Variants in GSTCD observed in about 807,000 individuals in gnomAD.
GSTCD encodes the protein glutathione S-transferase C-terminal domain-containing protein.
Under a neutral mutation model 68.3 loss-of-function variants are expected in GSTCD, and 44 were observed. The observed-to-expected ratio is 0.64, with a 90% CI of 0.51 to 0.83. The LOEUF (loss-of-function observed/expected upper bound fraction) is 0.83, where lower values mean the gene tolerates loss of function less well. Among genes scored for constraint, GSTCD ranks in the 40% least tolerant of loss-of-function variants. The pLI, the probability that GSTCD is intolerant of heterozygous loss-of-function variation, is 0.00. For synonymous variants in GSTCD, 273 were observed against 255.2 expected (o/e 1.07, Z -0.67); for missense variants, 739 against 735.9 (o/e 1.00, Z -0.05).
chr4:105,738,873 A>G (rs1279064499), intron 5 of GSTCD, among the ~76,000 whole-genome samples: 2 of 152,198 alleles, frequency 1.3e-5, no homozygotes, highest in East Asian at 3.8e-4. Flanking sequence ...AGGATTCAGT[A>G]AGGTGAATAG....
intron 7 of GSTCD, 173 bp downstream of exon 7, chr4:105,823,448 A>G (rs1324324202): frequency 2.1e-6 from 1 of 483,872 alleles, no homozygotes; most frequent in Non-Finnish European, 3.6e-6. Flanking sequence ...CTTAAGGAAA[A>G]AAAAGTAAAG....
intron 5 of GSTCD, among the ~76,000 whole-genome samples, chr4:105,774,897 T>G (rs547658708): frequency 4.6e-5 from 7 of 152,312 alleles, no homozygotes; most frequent in African/African-American, 1.7e-4. Context: ...AAATTGGGCC[T>G]ATCTTTCTAG....
intron 5 of GSTCD, among the ~76,000 whole-genome samples, chr4:105,736,262 T>C (rs1733459200): frequency 6.6e-6 from 1 of 152,146 alleles, no homozygotes; most frequent in Non-Finnish European, 1.5e-5. Context: ...GTACCTTATT[T>C]TCCTGTGAGT....
At chr4:105,829,606 A>C (rs749797876) in intron 8 of GSTCD, among the ~76,000 whole-genome samples, 36 of 152,136 alleles carry the variant, frequency 2.4e-4, no homozygotes, top group Non-Finnish European at 4.0e-4. Flanking sequence ...GGACTTATTC[A>C]CTATCATGAG....
intron 5 of GSTCD, among the ~76,000 whole-genome samples, chr4:105,752,228 T>C (rs1184049377): frequency 6.6e-6 from 1 of 152,172 alleles, no homozygotes; most frequent in East Asian, 1.9e-4. Flanking sequence ...CTGTACTAAC[T>C]GTAGCATGTG....
At position 105,823,071 on chromosome 4, in the gene GSTCD, T is replaced by A. The variant is rs748502299; in HGVS notation, c.1356+2T>A. On this transcript the variant is annotated splice_donor_variant, in intron 6 of 11. Transcript: ENST00000515279. LOFTEE classifies it high-confidence loss of function. ...ATTGTGGATTTCTGCAGCGGTGGGG[T>A]ATTTTATCTCTCCTTTCATCCTTTT... 1.2e-6 allele frequency: 2 copies of A among 1,607,394 alleles called. No homozygotes were observed. Among genetic ancestry groups the A allele is most frequent in the South Asian group, 1.1e-5 (1 of 90,920 alleles).
intron 11 of GSTCD, among the ~76,000 whole-genome samples, chr4:105,844,273 G>GA (rs1578531479): frequency 6.6e-6 from 1 of 151,756 alleles, no homozygotes; most frequent in East Asian, 1.9e-4. Context: ...TATTTTAAGG[G>GA]AAAAAAAAGA....
Position 105,726,579 on chromosome 4 carries a change from G to A in GSTCD, c.895G>A (p.Val299Ile), listed in dbSNP as rs953841023. ...VLLPCIHHFL[V>I]IISRKFSEKL... Reference sequence around the variant, plus strand: ...TGTGTTTTATTATTTTCCTACCTAGGTAATTATCAGCAGGAAATTTTCTGA... The same window carrying A: ...TGTGTTTTATTATTTTCCTACCTAGATAATTATCAGCAGGAAATTTTCTGA... Residue 299 changes from valine (V) to isoleucine (I), a missense_variant and splice_region_variant, in exon 4 of 12, where the codon GTA becomes ATA. Val to Ile is a conservative substitution (Grantham distance 29). Coordinates refer to ENST00000515279, the MANE Select transcript of GSTCD (RefSeq NM_001370181.1). The A allele has an allele frequency of 6.4e-7, 1 of 1,564,418 alleles. No individual in the cohort carries two copies. The highest frequency in any genetic ancestry group is 1.4e-5 in the African/African-American group (1 of 72,910).
At chr4:105,778,125 G>A (rs1382466958) in intron 5 of GSTCD, among the ~76,000 whole-genome samples, 1 of 152,030 alleles carries the variant, frequency 6.6e-6, no homozygotes, top group Non-Finnish European at 1.5e-5. Flanking sequence ...AAAAACATTG[G>A]AAGCCAATGA....
intron 5 of GSTCD, among the ~76,000 whole-genome samples, chr4:105,784,683 C>T (rs971543604): frequency 6.6e-6 from 1 of 152,242 alleles, no homozygotes; most frequent in African/African-American, 2.4e-5. Flanking sequence ...TAAGGAAAAG[C>T]TTTCCTTTCT....
At position 105,823,250 on chromosome 4, in the gene GSTCD, T is replaced by G. The variant is rs1723403040; in HGVS notation, c.1376T>G (p.Leu459Arg). 3 of 1,613,912 alleles carry G rather than the reference T, an allele frequency of 1.9e-6. No individual in the cohort carries two copies. The highest frequency in any genetic ancestry group is 2.5e-6 in the Non-Finnish European group (3 of 1,179,788). ...CSGGGHVGIVLAHMLPSCQVT... is the reference protein window; with the variant it reads ...CSGGGHVGIVRAHMLPSCQVT... ...TTTCAGGGCCATGTTGGAATTGTCCTTGCTCACATGCTGCCATCATGTCAG... is the reference window on the plus strand; with the variant it reads ...TTTCAGGGCCATGTTGGAATTGTCCGTGCTCACATGCTGCCATCATGTCAG... Residue 459 changes from leucine (L) to arginine (R), a missense_variant, in exon 7 of 12, where the codon CTT becomes CGT. Leu to Arg is a moderately radical substitution (Grantham distance 102). Coordinates refer to ENST00000515279, the MANE Select transcript of GSTCD (RefSeq NM_001370181.1).
intron 5 of GSTCD, among the ~76,000 whole-genome samples, chr4:105,814,394 C>T (rs936021612): frequency 1.3e-5 from 2 of 152,260 alleles, no homozygotes; most frequent in East Asian, 1.9e-4. Context: ...TGTTGGATCA[C>T]CTGAGGTCAG....
At chr4:105,789,443 C>T (rs1156581656) in intron 5 of GSTCD, among the ~76,000 whole-genome samples, 1 of 151,856 alleles carries the variant, frequency 6.6e-6, no homozygotes, top group South Asian at 2.1e-4. Flanking sequence ...TGGAGAGGAC[C>T]CACTTCCAAG....
intron 8 of GSTCD, among the ~76,000 whole-genome samples, 184 bp from the exon 9 acceptor site, chr4:105,834,277 A>C (rs1004753355): frequency 3.3e-5 from 5 of 152,236 alleles, no homozygotes; most frequent in African/African-American, 1.2e-4. Flanking sequence ...CGTTGAATGA[A>C]TCTTATGCTT....
At position 105,834,570 on chromosome 4, in the gene GSTCD, C is replaced by T. The variant is rs371454267; in HGVS notation, c.1640C>T (p.Thr547Ile). Residue 547 changes from threonine to isoleucine, a missense_variant, in exon 9 of 12, where the codon ACC becomes ATC. By Grantham distance (89) the Thr-to-Ile change is moderately conservative. Transcript: ENST00000515279. ...CPCCYGFIQN[T>I]SKFNFPKSEQ... ...TGCTGTTATGGTTTCATTCAGAACACCTCAAAGTTCAATTTTCCAAAAAGG... is the reference window on the plus strand; with the variant it reads ...TGCTGTTATGGTTTCATTCAGAACATCTCAAAGTTCAATTTTCCAAAAAGG... 8 of 1,613,880 alleles carry T rather than the reference C, an allele frequency of 5.0e-6. No homozygotes were observed. The highest frequency in any genetic ancestry group is 6.8e-6 in the Non-Finnish European group (8 of 1,179,890).
Position 105,729,411 on chromosome 4 carries a change from G to A in GSTCD, c.1152G>A (p.Lys384=). 6.3e-7 allele frequency: 1 copy of A among 1,598,550 alleles called. No homozygotes were observed. Among genetic ancestry groups the A allele is most frequent in the Non-Finnish European group, 8.6e-7 (1 of 1,168,946 alleles). The change falls in exon 5 of 12, where the codon AAG becomes AAA. Residue 384 remains lysine (K), a synonymous_variant. Transcript: ENST00000515279. Reference sequence around the variant, plus strand: ...GAGGCTATTTCCTTTTCTAGGAAAAGGGCATTGAAGTGATGTTTTCTCCCC... The same window carrying A: ...GAGGCTATTTCCTTTTCTAGGAAAAAGGCATTGAAGTGATGTTTTCTCCCC... ...PRPTMAKLME[K]GIEVMFSPHP...
chr4:105,746,641 G>A (rs1171395751), intron 5 of GSTCD, among the ~76,000 whole-genome samples: 1 of 152,046 alleles, frequency 6.6e-6, no homozygotes, highest in Non-Finnish European at 1.5e-5. Context: ...TTTAATTCTA[G>A]TGGCAGATTA....
intron 8 of GSTCD, among the ~76,000 whole-genome samples, chr4:105,830,450 A>T (rs574597565): frequency 2.0e-5 from 3 of 152,296 alleles, no homozygotes; most frequent in African/African-American, 7.2e-5. Context: ...GGTCTCAATA[A>T]AATGTACATT....
At chr4:105,798,534 CT>C (rs1735988481) in intron 5 of GSTCD, among the ~76,000 whole-genome samples, 1 of 152,132 alleles carries the variant, frequency 6.6e-6, no homozygotes, top group South Asian at 2.1e-4. Context: ...AAAATTACTC[CT>C]TGAACCATGA....
Sources: allele counts gnomAD v4.1 joint callset (sites outside exome capture counted in the v4.1 genomes callset), GRCh38; gene constraint gnomAD v4.1.1; transcripts MANE v1.5; gene names NCBI Gene and HGNC (gene_info 2026-07-23, HGNC 2026-07-21).